Variants in PLD5 observed in about 807,000 individuals in gnomAD.
PLD5 encodes the protein inactive phospholipase D5.
A neutral mutation model predicts 61.1 loss-of-function variants in PLD5; 36 were observed. That is an observed-to-expected ratio of 0.59 (90% CI 0.45 to 0.78). PLD5 has a LOEUF of 0.78. Among genes scored for constraint, PLD5 ranks in the 30% least tolerant of loss-of-function variants. The pLI, the probability that PLD5 is intolerant of heterozygous loss-of-function variation, is 0.00. For synonymous variants in PLD5, 243 were observed against 242.8 expected (o/e 1.00, Z -0.01); for missense variants, 515 against 644.4 (o/e 0.80, Z 2.17).
Position 242,514,409 on chromosome 1 carries a change from A to C in PLD5, c.189+9679T>G, listed in dbSNP as rs528191300. 2.5e-4 allele frequency among the ~76,000 whole-genome samples: 38 copies of C among 152,298 alleles called. 1 individual carries two copies. In the East Asian group the frequency reaches 6.8e-3, roughly 27 times the overall value. On this transcript the variant is annotated intron_variant, in intron 1 of 9. Transcript: ENST00000536534. Reference sequence around the variant, plus strand: ...CCTTCTCTGGACAAGGCATGATTTAAGGTCTCTGAAGCAAGAAGGTCACAA... The same window carrying C: ...CCTTCTCTGGACAAGGCATGATTTACGGTCTCTGAAGCAAGAAGGTCACAA...
intron 3 of PLD5, among the ~76,000 whole-genome samples, chr1:242,281,558 G>C (rs1311042363): frequency 6.6e-6 from 1 of 152,066 alleles, no homozygotes; most frequent in Non-Finnish European, 1.5e-5. Flanking sequence ...TATAGACTGT[G>C]GTTATATTTT....
At chr1:242,494,600 G>A (rs1668301511) in intron 1 of PLD5, among the ~76,000 whole-genome samples, 1 of 152,112 alleles carries the variant, frequency 6.6e-6, no homozygotes, top group South Asian at 2.1e-4. Flanking sequence ...ACCGGCTGGT[G>A]TTTGCGGTTG....
intron 1 of PLD5, among the ~76,000 whole-genome samples, chr1:242,455,183 TTC>T (rs1459821693): frequency 2.0e-5 from 3 of 152,226 alleles, no homozygotes; most frequent in Non-Finnish European, 2.9e-5. Flanking sequence ...GTTATGTTTA[TTC>T]TCTTTTACCT....
intron 1 of PLD5, among the ~76,000 whole-genome samples, chr1:242,521,863 T>C (rs1393678327): frequency 6.6e-6 from 1 of 152,204 alleles, no homozygotes; most frequent in Non-Finnish European, 1.5e-5. Flanking sequence ...TTATAGGTTT[T>C]TGACATCTCA....
At chr1:242,160,976 C>T (rs899659588) in intron 5 of PLD5, among the ~76,000 whole-genome samples, 17 of 149,488 alleles carry the variant, frequency 1.1e-4, no homozygotes, top group African/African-American at 4.0e-4. Flanking sequence ...CTTTTTAAGA[C>T]AAAAGTAAAC....
intron 5 of PLD5, among the ~76,000 whole-genome samples, chr1:242,147,100 C>A (rs1340564622): frequency 1.3e-5 from 2 of 152,188 alleles, no homozygotes; most frequent in African/African-American, 4.8e-5. Context: ...TATGTAACCA[C>A]CACCACAATC....
rs192290475 is a variant in PLD5 at position 242,329,919 on chromosome 1, A to C, written c.326+18187T>G. On this transcript the variant is annotated intron_variant, in intron 2 of 9. Coordinates refer to ENST00000536534, the MANE Select transcript of PLD5 (RefSeq NM_001372062.1). ...GTATCTTAGCTAAGATCAACCGGCT[A>C]CTAAGGGACTCACAGAGATTCAATG... is the stretch of plus-strand genomic sequence containing the variant. Among the ~76,000 whole-genome samples the C allele has an allele frequency of 1.7e-3, 266 of 152,340 alleles. 2 individuals are homozygous for C. The highest frequency in any genetic ancestry group is 5.8e-3 in the African/African-American group (240 of 41,594).
At chr1:242,344,809 C>T (rs1028309566) in intron 2 of PLD5, among the ~76,000 whole-genome samples, 3 of 152,076 alleles carry the variant, frequency 2.0e-5, no homozygotes, top group African/African-American at 2.4e-5. Flanking sequence ...TTTTATTAGT[C>T]CGTTTTGACA....
chr1:242,274,465 C>A (rs1357129054), intron 3 of PLD5, among the ~76,000 whole-genome samples: 1 of 152,194 alleles, frequency 6.6e-6, no homozygotes, highest in Non-Finnish European at 1.5e-5. Flanking sequence ...CTAAGAAAAG[C>A]AAGCCTTGGC....
rs1243000574 is a variant in PLD5 at position 242,524,213 on chromosome 1, G to A, written c.64C>T (p.Leu22Phe). 6.5e-7 allele frequency: 1 copy of A among 1,533,066 alleles called. No homozygotes were observed. Among genetic ancestry groups the A allele is most frequent in the Non-Finnish European group, 8.7e-7 (1 of 1,145,464 alleles). The allele number at this position is 1,533,066 out of a possible 1,614,324, so 95.0% of individuals were successfully genotyped here. ...GAGGGCTCCTTGGGGCGGCTTTTGA[G>A]CCTCATCTGCTCGAAGCCCTCATGG... ...SPHEGFEQMR[L>F]KSRPKEPSPS... is the part of the protein sequence containing the mutation. The change falls in exon 1 of 10, where the codon CTC (leucine) becomes TTC (phenylalanine). Residue 22 changes from leucine (L) to phenylalanine (F), a missense_variant. This residue lies in a region of PLD5 where 65 missense variants were observed against 46.3 expected (regional missense o/e 1.40). Coordinates refer to ENST00000536534, the MANE Select transcript of PLD5 (RefSeq NM_001372062.1).
intron 1 of PLD5, among the ~76,000 whole-genome samples, chr1:242,496,130 T>A (rs1037923244): frequency 2.0e-5 from 3 of 152,196 alleles, no homozygotes; most frequent in Non-Finnish European, 4.4e-5. Flanking sequence ...CAAAATAATA[T>A]CTGAGAACAC....
chr1:242,409,647 G>A (rs977783018), intron 1 of PLD5, among the ~76,000 whole-genome samples: 2 of 152,182 alleles, frequency 1.3e-5, no homozygotes, highest in South Asian at 2.1e-4. Context: ...CCCCAGAGAG[G>A]AAACCAGCCA....
At position 242,189,542 on chromosome 1, in the gene PLD5, C is replaced by T. The variant is rs552951531; in HGVS notation, c.735+30446G>A. 7.9e-5 allele frequency among the ~76,000 whole-genome samples: 12 copies of T among 151,624 alleles called. No homozygotes were observed. The South Asian group carries it at 2.5e-3, about 32-fold the overall frequency. ...CAGCAAGTATTTATTGAGAATCTTC[C>T]ATGCGTCACTGTTCTAGACACATAG... On this transcript the variant is annotated intron_variant, in intron 5 of 9. Coordinates refer to ENST00000536534, the MANE Select transcript of PLD5 (RefSeq NM_001372062.1).
At chr1:242,309,322 GAACAACAAC>G (rs112422963) in intron 2 of PLD5, among the ~76,000 whole-genome samples, 1 of 151,302 alleles carries the variant, frequency 6.6e-6, no homozygotes, top group African/African-American at 2.4e-5. Flanking sequence ...CAACAAAACA[GAACAACAAC>G]AACAACAACA....
intron 1 of PLD5, among the ~76,000 whole-genome samples, chr1:242,395,500 G>A (rs1030997191): frequency 3.3e-5 from 5 of 152,120 alleles, no homozygotes; most frequent in African/African-American, 1.2e-4. Context: ...AAGGAGATAA[G>A]CCCAAGAATC....
At chr1:242,121,887 A>G (rs2148725939) in intron 6 of PLD5, among the ~76,000 whole-genome samples, 1 of 147,804 alleles carries the variant, frequency 6.8e-6, no homozygotes, top group East Asian at 2.1e-4. Flanking sequence ...TGGGAACTGA[A>G]CAATGAGAAC....
At chr1:242,437,100 C>T (rs1666031113) in intron 1 of PLD5, among the ~76,000 whole-genome samples, 1 of 152,048 alleles carries the variant, frequency 6.6e-6, no homozygotes, top group African/African-American at 2.4e-5. Flanking sequence ...CCTAAGTATC[C>T]TCAGGAAGGG....
At chr1:242,455,634 A>G (rs1189322593) in intron 1 of PLD5, among the ~76,000 whole-genome samples, 3 of 152,240 alleles carry the variant, frequency 2.0e-5, no homozygotes, top group Admixed American at 6.5e-5. Flanking sequence ...TTTGTAGGCA[A>G]TGAAGTAGGC....
chr1:242,343,639 GAAC>G (rs1159915339), intron 2 of PLD5, among the ~76,000 whole-genome samples: 2 of 151,562 alleles, frequency 1.3e-5, no homozygotes, highest in East Asian at 3.9e-4. Flanking sequence ...ATGTAGAACT[GAAC>G]AACAGTGGGA....
Sources: allele counts gnomAD v4.1 joint callset (sites outside exome capture counted in the v4.1 genomes callset), GRCh38; gene constraint gnomAD v4.1.1; regional missense constraint gnomAD v4.1.1; transcripts MANE v1.5; gene names NCBI Gene and HGNC (gene_info 2026-07-23, HGNC 2026-07-21).